The following NARF variants were observed in gnomAD, a reference collection of about 807,000 sequenced individuals.
NARF encodes the protein iron-only hydrogenase-like protein 2.
Under a neutral mutation model 48.0 loss-of-function variants are expected in NARF, and 41 were observed. That is an observed-to-expected ratio of 0.85 (90% CI 0.66 to 1.11). The LOEUF is 1.11. Ranked by LOEUF, NARF falls within the 50% of genes least tolerant of loss-of-function variation. The pLI is 0.00. For synonymous variants in NARF, 215 were observed against 225.5 expected, an observed-to-expected ratio of 0.95 and a Z score of 0.42; for missense variants, 613 against 590.2, an observed-to-expected ratio of 1.04 and a Z score of -0.40.
upstream of NARF, chr17:82,458,721 C>A (rs578049498): frequency 1.3e-4 from 180 of 1,425,754 alleles, no homozygotes; most frequent in African/African-American, 2.5e-3. Context: ...AACAAAGGGC[C>A]GCGGGCGGCG....
chr17:82,468,780 A>G lies in NARF; in HGVS notation c.269A>G (p.Lys90Arg). The change falls in exon 4 of 11, where the codon AAG (lysine) becomes AGG (arginine). Residue 90 changes from lysine (K) to arginine (R), a missense_variant. Transcript: ENST00000309794. ...TCCTTCTAGAAATGTGATACCTCAA[A>G]GCACAAAGTGCTGGTAGTGTCTGTG... ...LNLNKKCDTS[K>R]HKVLVVSVCP... The G allele has an allele frequency of 6.2e-7, 1 of 1,613,912 alleles. No individual in the cohort carries two copies. The highest frequency in any genetic ancestry group is 8.5e-7 in the Non-Finnish European group (1 of 1,179,954).
At chr17:82,459,971 A>C in intron 1 of NARF, 21 bp from the exon 2 acceptor site, 1 of 1,596,242 alleles carries the variant, frequency 6.3e-7, no homozygotes, top group Non-Finnish European at 8.6e-7. Context: ...TTCATTGATA[A>C]TGTTCCTTTG....
chr17:82,465,648 C>G (rs931035576), intron 3 of NARF, among the ~76,000 whole-genome samples: 2 of 152,084 alleles, frequency 1.3e-5, no homozygotes, highest in African/African-American at 2.4e-5. Context: ...AGTGGGGAGA[C>G]TCTGGTGATC....
intron 10 of NARF, 72 bp from the exon 11 acceptor site, chr17:82,487,844 C>A: frequency 7.3e-7 from 1 of 1,370,808 alleles, no homozygotes. Context: ...GTCTGTAGTT[C>A]TAGCTGCTCA....
Position 82,488,287 on chromosome 17 carries a change from C to A in NARF, c.*130C>A. 2 of 1,388,386 alleles carry A rather than the reference C, an allele frequency of 1.4e-6. No homozygotes were observed. Among genetic ancestry groups the A allele is most frequent in the East Asian group, 2.5e-5 (1 of 39,996 alleles). The allele number at this position is 1,388,386 out of a possible 1,614,324, so 86.0% of individuals were successfully genotyped here. ...GCTCAATGGATTACTTTGGTTTCTC[C>A]GAGTTCCCTGCTACCCCGTTTATTG... On this transcript the variant is annotated 3_prime_UTR_variant, in exon 11 of 11. Transcript: ENST00000309794.
intron 3 of NARF, among the ~76,000 whole-genome samples, chr17:82,467,897 A>G (rs1477732851): frequency 1.3e-5 from 2 of 152,040 alleles, no homozygotes; most frequent in African/African-American, 2.4e-5. Flanking sequence ...TCATTGGCCA[A>G]TGTTGTAATT....
intron 9 of NARF, 137 bp downstream of exon 9, chr17:82,485,087 A>G (rs1380460214): frequency 1.5e-5 from 18 of 1,166,926 alleles, no homozygotes; most frequent in Non-Finnish European, 1.2e-6. Flanking sequence ...TTTTGTGTTT[A>G]TTCAGACCTT....
intron 10 of NARF, among the ~76,000 whole-genome samples, chr17:82,487,638 A>G (rs955414623): frequency 5.3e-5 from 8 of 151,794 alleles, no homozygotes; most frequent in Non-Finnish European, 1.0e-4. Context: ...CCTGCTTCCA[A>G]CTCTTCCCTG....
intron 10 of NARF, among the ~76,000 whole-genome samples, chr17:82,486,421 G>A (rs2044097229): frequency 6.6e-6 from 1 of 152,320 alleles, no homozygotes; most frequent in Admixed American, 6.5e-5. Flanking sequence ...TGTTAGACAA[G>A]TGGGACAAGG....
intron 6 of NARF, 112 bp from the exon 7 acceptor site, chr17:82,480,949 AGAGTGCAGCATGCAGTGTCTG>A (rs2043949692): frequency 1.1e-6 from 1 of 923,668 alleles, no homozygotes. Context: ...AAAAAAAAAA[AGAGTGCAGCATGCAGTGTCTG>A]GAGGGCAGCA....
At chr17:82,487,780 CTCCCGCCCAATCTCTA>C in intron 10 of NARF, 120 bp from the exon 11 acceptor site, 1 of 594,882 alleles carries the variant, frequency 1.7e-6, no homozygotes. Flanking sequence ...ACACCCGCCC[CTCCCGCCCAATCTCTA>C]CAAAAAATTT....
intron 9 of NARF, 124 bp from the exon 10 acceptor site, chr17:82,485,373 A>G (rs565411960): frequency 2.9e-5 from 31 of 1,057,242 alleles, no homozygotes; most frequent in Non-Finnish European, 4.0e-5. Flanking sequence ...GTGAGCCAAG[A>G]TGGTGCCACT....
At chr17:82,468,678 G>A (rs879035889) in intron 3 of NARF, 86 bp from the exon 4 acceptor site, 34 of 1,335,766 alleles carry the variant, frequency 2.5e-5, no homozygotes, top group South Asian at 2.2e-4. Context: ...ATCTATTAAC[G>A]TTGTTCTGAA....
intron 10 of NARF, 128 bp from the exon 11 acceptor site, chr17:82,487,788 C>CA: frequency 1.1e-5 from 8 of 759,742 alleles, no homozygotes; most frequent in Middle Eastern, 3.3e-4. Context: ...CCCTCCCGCC[C>CA]AATCTCTACA....
At chr17:82,472,060 C>G (rs991898737) in intron 4 of NARF, among the ~76,000 whole-genome samples, 1 of 152,124 alleles carries the variant, frequency 6.6e-6, no homozygotes, top group Non-Finnish European at 1.5e-5. Flanking sequence ...GTAAAGCACA[C>G]GGTCTTGAAC....
intron 8 of NARF, 135 bp downstream of exon 8, chr17:82,483,914 C>T (rs2044034026): frequency 5.5e-6 from 4 of 725,318 alleles, no homozygotes; most frequent in Non-Finnish European, 9.2e-6. Flanking sequence ...CCCCCAGGCC[C>T]CTGCCACAAC....
In NARF at chr17:82,467,126, G is replaced by A. The variant is rs538094656; in HGVS notation, c.253-1638G>A. ...CAGTGGCACGATCTTGGCTAACTGC[G>A]ACCTCCACCTCCTGGGTTCAAGCAG... On this transcript the variant is annotated intron_variant, in intron 3 of 10. Coordinates refer to ENST00000309794, the MANE Select transcript of NARF (RefSeq NM_012336.4). Among the ~76,000 whole-genome samples the A allele has an allele frequency of 8.6e-5, 13 of 151,150 alleles. No homozygotes were observed. In the East Asian group the frequency reaches 2.0e-3, roughly 23 times the overall value.
At position 82,487,950 on chromosome 17, in the gene NARF, A is replaced by G. The variant is rs1348615243; in HGVS notation, c.1164A>G (p.Pro388=). ...CLNGRGQAQT[P]DGHADKALLR... ...ATGGCAGAGGCCAAGCCCAGACTCCAGACGGACATGCGGATAAGGCCCTGC... is the reference window on the plus strand; with the variant it reads ...ATGGCAGAGGCCAAGCCCAGACTCCGGACGGACATGCGGATAAGGCCCTGC... Residue 388 remains proline (P), a synonymous_variant, in exon 11 of 11, where the codon CCA becomes CCG. Transcript: ENST00000309794. 1 of 1,614,140 alleles carries G rather than the reference A, an allele frequency of 6.2e-7. No individual in the cohort carries two copies. Among genetic ancestry groups the G allele is most frequent in the Non-Finnish European group, 8.5e-7 (1 of 1,180,054 alleles).
intron 4 of NARF, among the ~76,000 whole-genome samples, chr17:82,470,485 T>A (rs1484182666): frequency 1.3e-5 from 2 of 152,074 alleles, no homozygotes; most frequent in Non-Finnish European, 2.9e-5. Flanking sequence ...ATTTTAAAAT[T>A]TATAATATTT....
Sources: allele counts gnomAD v4.1 joint callset (sites outside exome capture counted in the v4.1 genomes callset), GRCh38; gene constraint gnomAD v4.1.1; transcripts MANE v1.5; gene names NCBI Gene and HGNC (gene_info 2026-07-23, HGNC 2026-07-21).